Variants in FRMPD4 observed in about 807,000 individuals in gnomAD.
The protein encoded by FRMPD4 is FERM and PDZ domain containing 4.
In FRMPD4, 22 loss-of-function variants were observed where a neutral mutation model predicts 94.1. That is an observed-to-expected ratio of 0.23 (90% CI 0.17 to 0.33). The LOEUF is 0.33. FRMPD4 is among the 10% of genes least tolerant of loss of function. FRMPD4 has a pLI of 1.00. For synonymous variants in FRMPD4, 631 were observed against 548.6 expected (o/e 1.15, Z -2.10); for missense variants, 1,111 against 1,339.9 (o/e 0.83, Z 2.67).
intron 1 of FRMPD4, among the ~76,000 whole-genome samples, chrX:12,305,802 A>G (rs1601800543): frequency 1.0e-5 from 1 of 100,258 alleles, no homozygotes; most frequent in East Asian, 3.1e-4. Context: ...CTTGGTCTCA[A>G]GCAGTCTTCC....
intron 3 of FRMPD4, among the ~76,000 whole-genome samples, chrX:12,066,839 A>C (rs1324308978): frequency 2.8e-5 from 3 of 107,483 alleles, no homozygotes; most frequent in African/African-American, 1.0e-4. Context: ...AAAAAAAAAA[A>C]CAGAGCAGCA....
chrX:11,889,369 A>G (rs1181857620), intron 3 of FRMPD4, among the ~76,000 whole-genome samples: 1 of 112,181 alleles, frequency 8.9e-6, no homozygotes, highest in Non-Finnish European at 1.9e-5. Context: ...TTGTAAGTCC[A>G]GGAGCATACT....
intron 1 of FRMPD4, among the ~76,000 whole-genome samples, chrX:11,829,813 T>G (rs1327424372): frequency 8.9e-6 from 1 of 112,198 alleles, no homozygotes. Context: ...GGACCTTTGT[T>G]ACACATGAAA....
At position 12,454,749 on chromosome X, in the gene FRMPD4, G is replaced by T. The variant is rs762374369; in HGVS notation, c.42-43931G>T. Among the ~76,000 whole-genome samples the T allele has an allele frequency of 3.3e-4, 36 of 107,463 alleles. No individual in the cohort carries two copies. The East Asian group carries it at 9.7e-3, about 29-fold the overall frequency. 93.3% of individuals were successfully genotyped at this position (107,463 alleles called of 115,157 possible). ...TCCTTCCAGCACAGTGGGAAACCTC[G>T]TTTTTTCAGAGACAATGAGTTCAGT... On this transcript the variant is annotated intron_variant, in intron 1 of 16. Transcript: ENST00000675598.
At chrX:11,961,992 A>G (rs749930272) in intron 3 of FRMPD4, among the ~76,000 whole-genome samples, 8 of 112,819 alleles carry the variant, frequency 7.1e-5, no homozygotes, top group South Asian at 3.7e-4. Context: ...AGGAAGTAGC[A>G]GAGGTAGCCA....
At chrX:12,469,391 C>G (rs142609469) in intron 1 of FRMPD4, among the ~76,000 whole-genome samples, 1 of 110,713 alleles carries the variant, frequency 9.0e-6, no homozygotes, top group Non-Finnish European at 1.9e-5. Flanking sequence ...CTGGGATTAC[C>G]GGCGCACACT....
intron 3 of FRMPD4, among the ~76,000 whole-genome samples, chrX:11,896,518 G>T (rs1365005211): frequency 8.9e-6 from 1 of 111,906 alleles, no homozygotes; most frequent in African/African-American, 3.3e-5. Context: ...ACAGCAAGAA[G>T]GTGCCATTTG....
chrX:12,449,726 G>A (rs1427003708), intron 1 of FRMPD4, among the ~76,000 whole-genome samples: 1 of 111,458 alleles, frequency 9.0e-6, no homozygotes. Context: ...GGTGACTCAC[G>A]CCTCTAATTA....
rs770172416 is a variant in FRMPD4 at position 12,051,225 on chromosome X, A to G, written c.95+173207A>G. 3.6e-5 allele frequency among the ~76,000 whole-genome samples: 4 copies of G among 112,154 alleles called. No individual in the cohort carries two copies. The South Asian group carries it at 1.5e-3, about 42-fold the overall frequency. On this transcript the variant is annotated intron_variant, in intron 3 of 18. Transcript: ENST00000640291. ...TGCAACTTTAGAGAGTGTAGAGAGA[A>G]GTACATACAGAGAAATATGTTTGTA...
chrX:12,605,182 CATTT>C (rs1475033313), intron 2 of FRMPD4, among the ~76,000 whole-genome samples: 3 of 112,131 alleles, frequency 2.7e-5, no homozygotes, highest in Non-Finnish European at 5.6e-5. Context: ...TGCACCTGGG[CATTT>C]ATTTGTTTCT....
chrX:11,962,310 ATGT>A, intron 3 of FRMPD4, among the ~76,000 whole-genome samples: 1 of 111,677 alleles, frequency 9.0e-6, no homozygotes. Context: ...GAAGGGGCAA[ATGT>A]TGTATCTTCA....
At position 12,611,872 on chromosome X, in the gene FRMPD4, G is replaced by A. The variant is rs748831099; in HGVS notation, c.319+1991G>A. Among the ~76,000 whole-genome samples the A allele has an allele frequency of 3.5e-5, 3 of 85,582 alleles. No homozygotes were observed. The East Asian group carries it at 9.2e-4, about 26-fold the overall frequency. 74.3% of individuals were successfully genotyped at this position (85,582 alleles called of 115,157 possible). A position where few individuals can be genotyped will look rare whatever the true frequency, so the allele number is the denominator to read the frequency against. On this transcript the variant is annotated intron_variant, in intron 3 of 16. Coordinates refer to ENST00000675598, the MANE Select transcript of FRMPD4 (RefSeq NM_001368397.1). Reference sequence around the variant, plus strand: ...GATCTGTTGCTTCTTATGATAACATGCTTTGTAAAAAAAAAAAATAGAAAC... The same window carrying A: ...GATCTGTTGCTTCTTATGATAACATACTTTGTAAAAAAAAAAAATAGAAAC...
intron 1 of FRMPD4, among the ~76,000 whole-genome samples, chrX:12,331,931 A>G (rs1266397952): frequency 2.3e-5 from 1 of 43,607 alleles, no homozygotes; most frequent in Non-Finnish European, 3.7e-5. Flanking sequence ...TTTATATACT[A>G]TATATAAATT....
intron 3 of FRMPD4, among the ~76,000 whole-genome samples, chrX:12,041,450 T>C (rs1166704235): frequency 8.9e-6 from 1 of 112,301 alleles, no homozygotes; most frequent in African/African-American, 3.2e-5. Flanking sequence ...CTTGGCTAAC[T>C]TTTTTCTTTT....
chrX:12,715,453 A>G (rs1390112686), intron 14 of FRMPD4, among the ~76,000 whole-genome samples: 1 of 112,127 alleles, frequency 8.9e-6, no homozygotes, highest in Non-Finnish European at 1.9e-5. Context: ...GCATGCTGAC[A>G]TTTATACATG....
chrX:12,310,312 A>G (rs1406342429), intron 1 of FRMPD4, among the ~76,000 whole-genome samples: 1 of 110,794 alleles, frequency 9.0e-6, no homozygotes, highest in Non-Finnish European at 1.9e-5. Flanking sequence ...CACTTAAGGC[A>G]AGGACCGGCC....
Position 12,100,876 on chromosome X carries a change from T to C in FRMPD4, c.95+222858T>C, listed in dbSNP as rs78948603. ...TCTTCTGAAGCTGTCACCAGTGCTG[T>C]TGATTCCAAGGAACTTTTCATGTTC... On this transcript the variant is annotated intron_variant, in intron 3 of 18. Coordinates refer to the FRMPD4 transcript ENST00000640291. Among the ~76,000 whole-genome samples the C allele has an allele frequency of 6.5e-4, 73 of 112,395 alleles. No individual in the cohort carries two copies. In the East Asian group the frequency reaches 0.02, roughly 31 times the overall value.
At chrX:12,036,359 A>G (rs1055421325) in intron 3 of FRMPD4, among the ~76,000 whole-genome samples, 1 of 112,368 alleles carries the variant, frequency 8.9e-6, no homozygotes, top group Non-Finnish European at 1.9e-5. Context: ...AGGCAGAGGC[A>G]TGAGAAATAA....
At chrX:12,457,960 C>A (rs1049776744) in intron 1 of FRMPD4, among the ~76,000 whole-genome samples, 1 of 111,498 alleles carries the variant, frequency 9.0e-6, no homozygotes, top group Non-Finnish European at 1.9e-5. Context: ...ACTTGACTCC[C>A]AAAATGTTCC....
Sources: gnomAD v4.1 joint callset for allele counts (sites outside exome capture counted in the v4.1 genomes callset) on GRCh38, gnomAD v4.1.1 for gene constraint, MANE v1.5 for transcripts, NCBI Gene and HGNC (gene_info 2026-07-23, HGNC 2026-07-21) for gene names.